The following KCNH5 variants were observed in gnomAD, a reference collection of about 807,000 sequenced individuals.
KCNH5 encodes voltage-gated delayed rectifier potassium channel KCNH5.
Under a neutral mutation model 96.1 loss-of-function variants are expected in KCNH5, and 46 were observed. The ratio of observed to expected loss-of-function variants is 0.48; its 90% CI spans 0.38 to 0.61. The LOEUF is 0.61. KCNH5 is among the 20% of genes least tolerant of loss of function. The pLI, the probability that KCNH5 is intolerant of heterozygous loss-of-function variation, is 0.00. For missense variants in KCNH5, 907 were observed against 1,225.8 expected, an observed-to-expected ratio of 0.74 and a Z score of 3.88; for synonymous variants, 439 against 449.8, an observed-to-expected ratio of 0.98 and a Z score of 0.30.
chr14:62,732,756 G>A (rs888265833), intron 10 of KCNH5, among the ~76,000 whole-genome samples: 2 of 152,144 alleles, frequency 1.3e-5, no homozygotes, highest in African/African-American at 4.8e-5. Flanking sequence ...AAAGGAAAGT[G>A]AAGACCAGGG....
rs1566686020 is a variant in KCNH5, at chr14:62,862,587, T to C, written c.1370-12735A>G. Among the ~76,000 whole-genome samples, 3 of 152,194 alleles carry C rather than the reference T, an allele frequency of 2.0e-5. No homozygotes were observed. In the South Asian group the frequency reaches 6.2e-4, roughly 32 times the overall value. ...TAGCTTTGTAAATTCCTTTGACCAA[T>C]AGGATGTGGCAGAGATGAGATTATG... On this transcript the variant is annotated intron_variant, in intron 7 of 10. Transcript: ENST00000322893.
At chr14:62,723,115 G>T (rs895693156) in intron 10 of KCNH5, among the ~76,000 whole-genome samples, 2 of 151,792 alleles carry the variant, frequency 1.3e-5, no homozygotes, top group African/African-American at 4.8e-5. Context: ...ACCAACCTAG[G>T]GTAGATACAA....
At chr14:62,755,354 G>C (rs552996102) in intron 10 of KCNH5, among the ~76,000 whole-genome samples, 2 of 152,062 alleles carry the variant, frequency 1.3e-5, no homozygotes, top group Non-Finnish European at 2.9e-5. Flanking sequence ...TAAATGTCTA[G>C]ACACATACGA....
At chr14:62,887,573 T>G (rs1020772435) in intron 7 of KCNH5, among the ~76,000 whole-genome samples, 1 of 151,748 alleles carries the variant, frequency 6.6e-6, no homozygotes, top group Non-Finnish European at 1.5e-5. Context: ...TAACATTGAG[T>G]ATTATACAAG....
At chr14:62,825,191 T>C (rs1368960106) in intron 8 of KCNH5, among the ~76,000 whole-genome samples, 2 of 152,110 alleles carry the variant, frequency 1.3e-5, no homozygotes, top group Non-Finnish European at 2.9e-5. Flanking sequence ...CAAACTCCTT[T>C]CTACAGTGGT....
At chr14:62,990,457 T>C (rs1330336184) in intron 4 of KCNH5, among the ~76,000 whole-genome samples, 1 of 151,710 alleles carries the variant, frequency 6.6e-6, no homozygotes, top group Non-Finnish European at 1.5e-5. Context: ...TTACCTTATT[T>C]TACTTTCTTG....
rs1027087953 is a variant in KCNH5, at chr14:62,706,598, A to G, written c.*910T>C. 2.6e-5 allele frequency: 4 copies of G among 152,148 alleles called. No individual in the cohort carries two copies. The highest frequency in any genetic ancestry group is 5.9e-5 in the Non-Finnish European group (4 of 67,992). The allele number at this position is 152,148 out of a possible 1,614,324, so 9.4% of individuals were successfully genotyped here. A position where few individuals can be genotyped will look rare whatever the true frequency, so the allele number is the denominator to read the frequency against. The stretch of plus-strand genomic sequence containing the variant: ...TTTTTTGTATGTTTCTTTGCTAACA[A>G]GCCTTTCAATGTCACTCTTGAACAT... On this transcript the variant is annotated 3_prime_UTR_variant, in exon 11 of 11. Coordinates refer to ENST00000322893, the MANE Select transcript of KCNH5 (RefSeq NM_139318.5).
intron 7 of KCNH5, among the ~76,000 whole-genome samples, chr14:62,892,977 T>C (rs1888741971): frequency 6.6e-6 from 1 of 152,150 alleles, no homozygotes; most frequent in African/African-American, 2.4e-5. Flanking sequence ...TAACACAACA[T>C]CCATTCTGCA....
chr14:62,963,048 C>A (rs779743980), intron 6 of KCNH5, among the ~76,000 whole-genome samples: 17 of 152,098 alleles, frequency 1.1e-4, no homozygotes, highest in Middle Eastern at 3.2e-3. Context: ...ATGCCTACAT[C>A]ATTCACCCTA....
intron 8 of KCNH5, among the ~76,000 whole-genome samples, chr14:62,825,468 G>A (rs934253771): frequency 2.0e-5 from 3 of 151,388 alleles, no homozygotes; most frequent in Non-Finnish European, 2.9e-5. Flanking sequence ...TAAACTAACC[G>A]ACACCTAGTC....
intron 7 of KCNH5, among the ~76,000 whole-genome samples, chr14:62,934,956 A>G (rs899023436): frequency 2.6e-5 from 4 of 152,190 alleles, no homozygotes; most frequent in Admixed American, 6.5e-5. Context: ...AGGGAAAATC[A>G]AAGGCAGCAA....
intron 7 of KCNH5, among the ~76,000 whole-genome samples, chr14:62,943,190 C>G (rs535807815): frequency 1.3e-5 from 2 of 152,112 alleles, no homozygotes; most frequent in African/African-American, 4.8e-5. Flanking sequence ...TGTAGAGTCC[C>G]TTATAACGGC....
intron 8 of KCNH5, among the ~76,000 whole-genome samples, chr14:62,807,865 A>G (rs1439606060): frequency 6.6e-6 from 1 of 152,142 alleles, no homozygotes; most frequent in Non-Finnish European, 1.5e-5. Flanking sequence ...ATGTTGTACA[A>G]TTTAAAGGTT....
intron 4 of KCNH5, among the ~76,000 whole-genome samples, chr14:62,994,476 A>C (rs1372697506): frequency 2.6e-5 from 4 of 152,072 alleles, no homozygotes; most frequent in Admixed American, 6.6e-5. Context: ...TCCTCTTTGT[A>C]TTATTATAAT....
chr14:62,770,533 C>G (rs1381473152), intron 10 of KCNH5, among the ~76,000 whole-genome samples: 1 of 152,188 alleles, frequency 6.6e-6, no homozygotes, highest in Non-Finnish European at 1.5e-5. Flanking sequence ...TAGAAAAGGA[C>G]AGTGGCTTTT....
chr14:62,834,406 A>G (rs1424769033), intron 8 of KCNH5, among the ~76,000 whole-genome samples: 1 of 152,042 alleles, frequency 6.6e-6, no homozygotes, highest in East Asian at 1.9e-4. Flanking sequence ...GGCAATAATT[A>G]TTCAGCAGTG....
intron 8 of KCNH5, among the ~76,000 whole-genome samples, chr14:62,806,108 A>T (rs1049021810): frequency 6.6e-5 from 10 of 152,118 alleles, no homozygotes; most frequent in Non-Finnish European, 1.0e-4. Flanking sequence ...GATTGTCCTC[A>T]CTACTACACT....
In KCNH5 at chr14:62,771,898, T is replaced by C. The variant is rs541924762; in HGVS notation, c.2019+7830A>G. 4.9e-4 allele frequency among the ~76,000 whole-genome samples: 75 copies of C among 152,302 alleles called. 3 individuals carry two copies. In the South Asian group the frequency reaches 0.014, roughly 29 times the overall value. On this transcript the variant is annotated intron_variant, in intron 10 of 10. Coordinates refer to ENST00000322893, the MANE Select transcript of KCNH5 (RefSeq NM_139318.5). ...CTTCTCTGGCCATGATCACTCAATC[T>C]GGAACCACAAGAGGGTTTATACCCA...
intron 10 of KCNH5, among the ~76,000 whole-genome samples, chr14:62,715,239 G>A (rs1884659304): frequency 6.6e-6 from 1 of 152,166 alleles, no homozygotes; most frequent in South Asian, 2.1e-4. Context: ...TTTGTTTAAT[G>A]TCATGGATTC....
Sources: gnomAD v4.1 joint callset for allele counts (sites outside exome capture counted in the v4.1 genomes callset) on GRCh38, gnomAD v4.1.1 for gene constraint, MANE v1.5 for transcripts, NCBI Gene and HGNC (gene_info 2026-07-23, HGNC 2026-07-21) for gene names.